SIPA1L3: variants seen among roughly 807,000 people sequenced by gnomAD.
The protein encoded by SIPA1L3 is signal-induced proliferation-associated 1-like protein 3.
In SIPA1L3, 59 loss-of-function variants were observed where a neutral mutation model predicts 150.1. That is an observed-to-expected ratio of 0.39 (90% CI 0.32 to 0.49). The LOEUF is 0.49. Among genes scored for constraint, SIPA1L3 ranks in the 20% least tolerant of loss-of-function variants. The pLI is 0.86. For synonymous variants in SIPA1L3, 1,070 were observed against 1,077.6 expected, an observed-to-expected ratio of 0.99 and a Z score of 0.14; for missense variants, 2,211 against 2,489.5, an observed-to-expected ratio of 0.89 and a Z score of 2.38.
In SIPA1L3 at chr19:38,207,166, C is replaced by A. The variant is rs1228508199; in HGVS notation, c.*926C>A. The stretch of plus-strand genomic sequence containing the variant: ...TGGGTTCCAGGAGGGGCTCCCGAAG[C>A]CCTCAGGACAGGGCTGGAGGAGAAC... On this transcript the variant is annotated 3_prime_UTR_variant, in exon 22 of 22. Transcript: ENST00000222345. 2 of 152,066 alleles carry A rather than the reference C, an allele frequency of 1.3e-5. No individual in the cohort carries two copies. The highest frequency in any genetic ancestry group is 2.9e-5 in the Non-Finnish European group (2 of 68,052). 9.4% of individuals were successfully genotyped at this position (152,066 alleles called of 1,614,324 possible). A position where few individuals can be genotyped will look rare whatever the true frequency, so the allele number is the denominator to read the frequency against.
intron 1 of SIPA1L3, among the ~76,000 whole-genome samples, chr19:38,022,679 G>A (rs1050886163): frequency 6.6e-6 from 1 of 152,186 alleles, no homozygotes; most frequent in African/African-American, 2.4e-5. Flanking sequence ...CTGCACTCCA[G>A]CCTGGGTGAC....
rs74821971 is a variant in SIPA1L3, at chr19:38,070,763, G to A, written c.-310-10493G>A. Among the ~76,000 whole-genome samples, 1,266 of 152,286 alleles carry A rather than the reference G, an allele frequency of 8.3e-3. 18 individuals carry two copies. Among genetic ancestry groups the A allele is most frequent in the African/African-American group, 0.026 (1,066 of 41,572 alleles). ...TCCTGGATAAACAAATGACTTGTACGTGCCCAGAAACTGCTGAGTCACTGG... is the reference window on the plus strand; with the variant it reads ...TCCTGGATAAACAAATGACTTGTACATGCCCAGAAACTGCTGAGTCACTGG... On this transcript the variant is annotated intron_variant, in intron 2 of 21. Coordinates refer to ENST00000222345, the MANE Select transcript of SIPA1L3 (RefSeq NM_015073.3).
chr19:38,083,063 G>T lies in SIPA1L3; in HGVS notation c.1498G>T (p.Gly500Cys). 6.2e-7 allele frequency: 1 copy of T among 1,612,388 alleles called. No homozygotes were observed. Among genetic ancestry groups the T allele is most frequent in the Non-Finnish European group, 8.5e-7 (1 of 1,179,980 alleles). The change falls in exon 3 of 22, where the codon GGC becomes TGC. Residue 500 changes from glycine to cysteine, a missense_variant. Gly to Cys is a radical substitution (Grantham distance 159, BLOSUM62 -3). Around this residue, in one of 5 missense-constraint regions of SIPA1L3, gnomAD observed 625 missense variants for 804.2 expected, o/e 0.78. Transcript: ENST00000222345. ...RQYSIEHVDL[G>C]ARYYQDYFVG... ...GTACAGCATCGAGCATGTGGACCTG[G>T]GCGCCCGCTACTACCAGGATTACTT...
At chr19:37,949,504 A>G (rs537166880) in intron 1 of SIPA1L3, among the ~76,000 whole-genome samples, 101 of 152,202 alleles carry the variant, frequency 6.6e-4, no homozygotes, top group African/African-American at 2.3e-3. Flanking sequence ...CATCTCTACT[A>G]AAAATACAAA....
intron 8 of SIPA1L3, among the ~76,000 whole-genome samples, chr19:38,113,000 G>GC (rs1970800376): frequency 2.0e-5 from 3 of 152,206 alleles, no homozygotes; most frequent in Admixed American, 2.0e-4. Flanking sequence ...CTGAGGTCAG[G>GC]AGTTGGAGAC....
intron 7 of SIPA1L3, chr19:38,109,796 GCC>G: frequency 6.1e-6 from 1 of 164,186 alleles, no homozygotes; most frequent in Admixed American, 5.7e-5. Context: ...AGTGGGGAAA[GCC>G]ATCTCTGCTG....
intron 1 of SIPA1L3, among the ~76,000 whole-genome samples, chr19:37,956,482 G>GTTTTTTTT (rs34804753): frequency 1.6e-5 from 2 of 126,880 alleles, no homozygotes; most frequent in Non-Finnish European, 3.4e-5. Context: ...AAGTATAAAA[G>GTTTTTTTT]TTTTGTTTTT....
At chr19:38,182,795 C>T (rs1281870569) in intron 16 of SIPA1L3, 55 bp downstream of exon 16, 5 of 1,411,464 alleles carry the variant, frequency 3.5e-6, no homozygotes, top group East Asian at 2.3e-5. Flanking sequence ...AGGGCGTCTC[C>T]GGGGCGGAAA....
At chr19:38,057,253 A>C (rs1969337811) in intron 2 of SIPA1L3, among the ~76,000 whole-genome samples, 2 of 151,204 alleles carry the variant, frequency 1.3e-5, no homozygotes, top group Middle Eastern at 6.8e-3. Flanking sequence ...CCTAGAGTGC[A>C]CTCCAGCAAG....
At chr19:37,936,822 A>G (rs2046605082) in intron 1 of SIPA1L3, among the ~76,000 whole-genome samples, 1 of 152,228 alleles carries the variant, frequency 6.6e-6, no homozygotes, top group African/African-American at 2.4e-5. Flanking sequence ...TGAAATGAAT[A>G]TGTAATTGAC....
At chr19:37,992,075 G>T (rs2145637263) in intron 1 of SIPA1L3, among the ~76,000 whole-genome samples, 1 of 152,386 alleles carries the variant, frequency 6.6e-6, no homozygotes, top group South Asian at 2.1e-4. Context: ...GTGGCTAGAG[G>T]CAGGGCCTGG....
chr19:38,124,026 C>T (rs906500251), intron 9 of SIPA1L3, among the ~76,000 whole-genome samples: 1 of 151,110 alleles, frequency 6.6e-6, no homozygotes, highest in Non-Finnish European at 1.5e-5. Context: ...CAGAGGGGCT[C>T]CTCACCTCCC....
At chr19:37,922,232 C>T (rs928542138) in intron 1 of SIPA1L3, among the ~76,000 whole-genome samples, 1 of 151,988 alleles carries the variant, frequency 6.6e-6, no homozygotes, top group Non-Finnish European at 1.5e-5. Flanking sequence ...ATTATAATTG[C>T]CTGCCACCAC....
At chr19:38,031,019 A>T (rs1253590562) in intron 2 of SIPA1L3, among the ~76,000 whole-genome samples, 1 of 152,118 alleles carries the variant, frequency 6.6e-6, no homozygotes, top group Non-Finnish European at 1.5e-5. Flanking sequence ...GGGTCTCATC[A>T]CATTCCCTCA....
chr19:38,084,233 A>C (rs543991346), intron 3 of SIPA1L3, among the ~76,000 whole-genome samples: 4 of 152,194 alleles, frequency 2.6e-5, no homozygotes, highest in African/African-American at 7.2e-5. Flanking sequence ...GAAAAAGAGG[A>C]AAGGGTAAGG....
At chr19:38,031,865 G>T (rs148399148) in intron 2 of SIPA1L3, among the ~76,000 whole-genome samples, 146 of 152,290 alleles carry the variant, frequency 9.6e-4, no homozygotes, top group African/African-American at 3.4e-3. Flanking sequence ...CAGGAGGATC[G>T]CTTGAGCCCA....
intron 16 of SIPA1L3, among the ~76,000 whole-genome samples, chr19:38,186,474 G>A (rs1972680221): frequency 1.5e-5 from 2 of 137,038 alleles, no homozygotes; most frequent in Non-Finnish European, 3.3e-5. Context: ...CACCATGTCT[G>A]GCTAATTTTT....
At position 38,198,493 on chromosome 19, in the gene SIPA1L3, G is replaced by C. The variant is rs202013889; in HGVS notation, c.4945G>C (p.Glu1649Gln). Residue 1649 changes from glutamate to glutamine, a missense_variant, in exon 19 of 22, where the codon GAG becomes CAG. Physicochemically the swap from Glu to Gln is conservative, Grantham distance 29. Transcript: ENST00000222345. Reference sequence around the variant, plus strand: ...CCTGCCTGACACAGCTGCTGGCCTCGAGTGGTCCAGCCTGGTGAACGCAGC... The same window carrying C: ...CCTGCCTGACACAGCTGCTGGCCTCCAGTGGTCCAGCCTGGTGAACGCAGC... ...MPLPDTAAGL[E>Q]WSSLVNAAKA... The C allele has an allele frequency of 1.2e-6, 2 of 1,601,242 alleles. No homozygotes were observed. Among genetic ancestry groups the C allele is most frequent in the Non-Finnish European group, 1.7e-6 (2 of 1,174,864 alleles).
chr19:38,048,378 G>C (rs557420307), intron 2 of SIPA1L3, among the ~76,000 whole-genome samples: 1 of 152,290 alleles, frequency 6.6e-6, no homozygotes, highest in African/African-American at 2.4e-5. Flanking sequence ...TTCCAGAATG[G>C]CTTCCAGTGA....
Sources: allele counts gnomAD v4.1 joint callset (sites outside exome capture counted in the v4.1 genomes callset), GRCh38; gene constraint gnomAD v4.1.1; regional missense constraint gnomAD v4.1.1; transcripts MANE v1.5; gene names NCBI Gene and HGNC (gene_info 2026-07-23, HGNC 2026-07-21).